DIS3L2: variants seen among roughly 807,000 people sequenced by gnomAD.
DIS3L2 encodes DIS3-like exonuclease 2.
In DIS3L2, 34 loss-of-function variants were observed where a neutral mutation model predicts 97.5. That is an observed-to-expected ratio of 0.35 (90% CI 0.27 to 0.46). The LOEUF (loss-of-function observed/expected upper bound fraction) is 0.46. DIS3L2 is among the 20% of genes least tolerant of loss of function. The pLI is 1.00. For synonymous variants in DIS3L2, 435 were observed against 445.2 expected, an observed-to-expected ratio of 0.98 and a Z score of 0.29; for missense variants, 1,038 against 1,146.0, an observed-to-expected ratio of 0.91 and a Z score of 1.36.
intron 5 of DIS3L2, among the ~76,000 whole-genome samples, chr2:232,068,756 T>A (rs1202351632): frequency 2.0e-5 from 3 of 151,930 alleles, no homozygotes; most frequent in Non-Finnish European, 4.4e-5. Flanking sequence ...TGTCCTGAAA[T>A]TTTTTTTATT....
intron 6 of DIS3L2, among the ~76,000 whole-genome samples, chr2:232,090,587 A>G (rs1198202379): frequency 6.6e-6 from 1 of 152,228 alleles, no homozygotes; most frequent in African/African-American, 2.4e-5. Flanking sequence ...GGTTACCATT[A>G]GGATGTTAGT....
At position 232,037,311 on chromosome 2, in the gene DIS3L2, C is replaced by T. The variant is rs1030374924; in HGVS notation, c.366+7231C>T. ...TGTGGTGGGCTCCGCCCAGCTTGAA[C>T]TTCCTGGTGGCTTTGTTTACACTGT... On this transcript the variant is annotated intron_variant, in intron 5 of 20. Transcript: ENST00000325385. The surrounding 1 kb of genome is among the most constrained non-coding windows in gnomAD (Gnocchi z 4.6). Among the ~76,000 whole-genome samples the T allele has an allele frequency of 6.6e-6, 1 of 152,208 alleles. No homozygotes were observed. Among genetic ancestry groups the T allele is most frequent in the Admixed American group, 6.5e-5 (1 of 15,290 alleles).
At chr2:232,013,019 T>C (rs1449699767) in intron 1 of DIS3L2, among the ~76,000 whole-genome samples, 4 of 152,226 alleles carry the variant, frequency 2.6e-5, no homozygotes, top group African/African-American at 9.6e-5. Flanking sequence ...TCATCTTCTC[T>C]AACTTTACCA....
At chr2:232,231,882 G>A (rs1429207540) in intron 10 of DIS3L2, among the ~76,000 whole-genome samples, 1 of 152,232 alleles carries the variant, frequency 6.6e-6, no homozygotes, top group East Asian at 1.9e-4. Context: ...AAATGGGGGT[G>A]AAAGAGTTGA....
intron 13 of DIS3L2, among the ~76,000 whole-genome samples, chr2:232,342,250 CACAT>C (rs940193359): frequency 1.6e-5 from 2 of 121,870 alleles, no homozygotes; most frequent in Admixed American, 1.7e-4. Flanking sequence ...CACATATATA[CACAT>C]ACACACATAC....
intron 8 of DIS3L2, among the ~76,000 whole-genome samples, chr2:232,153,558 G>C (rs1283442362): frequency 1.6e-5 from 1 of 60,620 alleles, no homozygotes; most frequent in Non-Finnish European, 3.3e-5. Flanking sequence ...TAGGGTTTCT[G>C]CCGAGAGATC....
At chr2:232,192,983 T>G (rs1691657112) in intron 9 of DIS3L2, among the ~76,000 whole-genome samples, 1 of 152,182 alleles carries the variant, frequency 6.6e-6, no homozygotes, top group Non-Finnish European at 1.5e-5. Context: ...TCCCCTTTAC[T>G]CAGACTAGCT....
At chr2:232,000,663 T>TTTCCTTTCCTTTCCTTTCCTTTCC (rs1559529200) in intron 1 of DIS3L2, among the ~76,000 whole-genome samples, 16 of 23,174 alleles carry the variant, frequency 6.9e-4, no homozygotes, top group African/African-American at 3.6e-3. Flanking sequence ...CTTTCCTTTC[T>TTTCCTTTCCTTTCCTTTCCTTTCC]CTTTCTCTCT....
intron 6 of DIS3L2, among the ~76,000 whole-genome samples, chr2:232,109,092 T>C (rs1697444612): frequency 6.6e-6 from 1 of 152,196 alleles, no homozygotes. Flanking sequence ...AGTGCCTGAA[T>C]AGCCAAGGCG....
In DIS3L2 at chr2:232,336,651, C is replaced by CGCCT. The variant is rs1553552396; in HGVS notation, c.*25_*28dup. 2.6e-6 allele frequency: 4 copies of CGCCT among 1,541,288 alleles called. No individual in the cohort carries two copies. In the African/African-American group the frequency reaches 5.5e-5, roughly 21 times the overall value. On this transcript the variant is annotated 3_prime_UTR_variant, in exon 21 of 21. Transcript: ENST00000325385. Reference sequence around the variant, plus strand: ...GCTGAGCTCCACCAGCCGCCTGCCCCGCCTGCCCCGCCTGCCTGTCCCGCC... The same window carrying CGCCT: ...GCTGAGCTCCACCAGCCGCCTGCCCCGCCTGCCTGCCCCGCCTGCCTGTCCCGCC...
downstream of DIS3L2, chr2:232,339,574 G>A (rs1003246697): frequency 2.6e-5 from 10 of 382,718 alleles, no homozygotes; most frequent in East Asian, 7.4e-5. Context: ...ACATGCAGCC[G>A]AAGTGACAGG....
rs577251131 is a variant in DIS3L2, at chr2:232,268,482, TG to T, written c.1659+5043del. ...ACCAGATAGTAAATGGTTTAGGCTTTGTGGGCTGTGCAGTCTCTGTCTCTGC... is the reference window on the plus strand; with the variant it reads ...ACCAGATAGTAAATGGTTTAGGCTTTTGGGCTGTGCAGTCTCTGTCTCTGC... On this transcript the variant is annotated intron_variant, in intron 13 of 20. Transcript: ENST00000325385. This position sits in a 1 kb window ranked among gnomAD's most constrained non-coding sequence, Gnocchi z 4.1. 5.9e-5 allele frequency among the ~76,000 whole-genome samples: 9 copies of T among 152,340 alleles called. No homozygotes were observed. The East Asian group carries it at 1.7e-3, about 29-fold the overall frequency.
intron 7 of DIS3L2, 150 bp downstream of exon 7, chr2:232,130,869 A>C (rs747001447): frequency 2.5e-5 from 31 of 1,218,396 alleles, no homozygotes; most frequent in Non-Finnish European, 3.2e-5. Flanking sequence ...TAAAAAAAAA[A>C]AACTTTAAAC....
intron 17 of DIS3L2, 37 bp downstream of exon 17, chr2:232,334,024 C>T: frequency 1.9e-6 from 3 of 1,579,274 alleles, no homozygotes; most frequent in South Asian, 1.2e-5. Context: ...AGACCTGGGC[C>T]AGCTCAGGGC....
chr2:232,236,583 C>T (rs1692938645), intron 10 of DIS3L2, among the ~76,000 whole-genome samples: 1 of 152,002 alleles, frequency 6.6e-6, no homozygotes, highest in African/African-American at 2.4e-5. Flanking sequence ...TTTATGTGGT[C>T]CTTAGTGCCT....
chr2:232,333,748 C>T (rs1201077420), intron 16 of DIS3L2, 92 bp from the exon 17 acceptor site: 2 of 1,483,370 alleles, frequency 1.3e-6, no homozygotes, highest in Non-Finnish European at 8.9e-7. Context: ...CCACACATCG[C>T]TGCCGACGGT....
chr2:232,003,877 T>C (rs972550525), intron 1 of DIS3L2, among the ~76,000 whole-genome samples: 9 of 152,222 alleles, frequency 5.9e-5, no homozygotes, highest in Non-Finnish European at 2.9e-5. Context: ...CTTTAGATTT[T>C]CTCTGTATTG....
chr2:232,275,234 A>G (rs1694110901), intron 13 of DIS3L2, among the ~76,000 whole-genome samples: 1 of 152,080 alleles, frequency 6.6e-6, no homozygotes, highest in African/African-American at 2.4e-5. Flanking sequence ...ATCAGCTTTC[A>G]TTCGTTTTGT....
chr2:232,048,184 G>A (rs1000627007), intron 5 of DIS3L2, among the ~76,000 whole-genome samples: 1 of 152,140 alleles, frequency 6.6e-6, no homozygotes, highest in Admixed American at 6.5e-5. Context: ...TGACCCCAAA[G>A]GAATTAGTCT....
Sources: gnomAD v4.1 joint callset for allele counts (sites outside exome capture counted in the v4.1 genomes callset) on GRCh38, gnomAD v4.1.1 for gene constraint, Gnocchi (gnomAD v3.1) non-coding constraint, MANE v1.5 for transcripts, NCBI Gene and HGNC (gene_info 2026-07-23, HGNC 2026-07-21) for gene names.